The following VEPH1 variants were observed in gnomAD, a reference collection of about 807,000 sequenced individuals.
VEPH1 encodes ventricular zone expressed PH domain containing 1, also known as ventricular zone-expressed PH domain-containing protein homolog 1.
In VEPH1, 80 loss-of-function variants were observed where a neutral mutation model predicts 85.2. The observed-to-expected ratio is 0.94, with a 90% CI of 0.78 to 1.13. The LOEUF is 1.13. Ranked by LOEUF, VEPH1 falls within the 50% of genes most tolerant of loss-of-function variation. VEPH1 has a pLI of 0.00. For synonymous variants in VEPH1, 297 were observed against 348.0 expected, an observed-to-expected ratio of 0.85 and a Z score of 1.63; for missense variants, 955 against 980.5, an observed-to-expected ratio of 0.97 and a Z score of 0.35.
chr3:157,469,535 C>G (rs1344162385), intron 3 of VEPH1, among the ~76,000 whole-genome samples: 1 of 152,126 alleles, frequency 6.6e-6, no homozygotes, highest in Non-Finnish European at 1.5e-5. Context: ...AACCAGCTTT[C>G]TTTATTGCAG....
At chr3:157,478,302 T>G (rs1051423498) in intron 2 of VEPH1, among the ~76,000 whole-genome samples, 2 of 152,106 alleles carry the variant, frequency 1.3e-5, no homozygotes, top group African/African-American at 4.8e-5. Flanking sequence ...CAGTGCAAAT[T>G]TTTCCTCTGC....
chr3:157,476,738 C>T (rs1467277982), intron 2 of VEPH1, among the ~76,000 whole-genome samples: 1 of 152,162 alleles, frequency 6.6e-6, no homozygotes, highest in Non-Finnish European at 1.5e-5. Flanking sequence ...TCAAGGGGAC[C>T]AGCAGATTAA....
chr3:157,319,742 T>C (rs1721166123), intron 9 of VEPH1, among the ~76,000 whole-genome samples: 1 of 152,202 alleles, frequency 6.6e-6, no homozygotes, highest in Admixed American at 6.5e-5. Flanking sequence ...TTACTGCCAA[T>C]TCATGTTTTC....
chr3:157,409,908 G>T (rs1731411295), intron 6 of VEPH1: 6 of 985,388 alleles, frequency 6.1e-6, no homozygotes, highest in Non-Finnish European at 7.2e-6. Context: ...CATGGAGTTT[G>T]CTGGAAACCA....
chr3:157,385,655 T>C (rs57829564), intron 6 of VEPH1, among the ~76,000 whole-genome samples: 2 of 152,328 alleles, frequency 1.3e-5, no homozygotes, highest in East Asian at 3.9e-4. Context: ...TTTGATCTGT[T>C]AAATCTGGCC....
chr3:157,311,375 T>G (rs2108505603), intron 11 of VEPH1, among the ~76,000 whole-genome samples: 1 of 152,348 alleles, frequency 6.6e-6, no homozygotes, highest in Non-Finnish European at 1.5e-5. Flanking sequence ...TTCAAATCAC[T>G]AATGTATGTC....
chr3:157,404,180 G>A (rs1730982802), intron 6 of VEPH1, among the ~76,000 whole-genome samples: 1 of 152,088 alleles, frequency 6.6e-6, no homozygotes, highest in Non-Finnish European at 1.5e-5. Flanking sequence ...CAGTCTCTAT[G>A]GAACAGTTAG....
Position 157,318,241 on chromosome 3 carries a change from TAG to T in VEPH1, c.1736-1042_1736-1041del, listed in dbSNP as rs200002936. On this transcript the variant is annotated intron_variant, in intron 9 of 13. Coordinates refer to ENST00000362010, the MANE Select transcript of VEPH1 (RefSeq NM_001167912.2). ...CTATACTGGGGATTTTTTTAATCTG[TAG>T]AGTCATACTGATAGTTAATGGGGTA... 4.6e-5 allele frequency among the ~76,000 whole-genome samples: 7 copies of T among 152,332 alleles called. No individual in the cohort carries two copies. The East Asian group carries it at 1.3e-3, about 29-fold the overall frequency.
chr3:157,490,926 T>C (rs1739162263), intron 2 of VEPH1, among the ~76,000 whole-genome samples: 1 of 152,162 alleles, frequency 6.6e-6, no homozygotes, highest in African/African-American at 2.4e-5. Context: ...CATAAGGGAA[T>C]ACTCTGCCTC....
intron 1 of VEPH1, chr3:157,499,762 G>C (rs531181155): frequency 6.6e-6 from 1 of 152,454 alleles, no homozygotes; most frequent in African/African-American, 2.4e-5. Flanking sequence ...GGGAAGAATG[G>C]GGGGCGGGGG....
At chr3:157,468,746 G>T (rs972190442) in intron 3 of VEPH1, among the ~76,000 whole-genome samples, 1 of 151,944 alleles carries the variant, frequency 6.6e-6, no homozygotes, top group Admixed American at 6.6e-5. Flanking sequence ...GTGGCTACTA[G>T]AATTTTTTTC....
chr3:157,487,529 C>A (rs981800811), intron 2 of VEPH1, among the ~76,000 whole-genome samples: 1 of 152,150 alleles, frequency 6.6e-6, no homozygotes, highest in South Asian at 2.1e-4. Flanking sequence ...AAAACTCTTG[C>A]AGATAACAAA....
chr3:157,460,674 G>A (rs1272985891), intron 3 of VEPH1, among the ~76,000 whole-genome samples: 1 of 152,190 alleles, frequency 6.6e-6, no homozygotes, highest in South Asian at 2.1e-4. Context: ...AGGGGGTAAT[G>A]TCTTAGTTGG....
At chr3:157,354,612 C>A (rs1725224973) in intron 9 of VEPH1, among the ~76,000 whole-genome samples, 1 of 152,132 alleles carries the variant, frequency 6.6e-6, no homozygotes, top group Admixed American at 6.5e-5. Flanking sequence ...AAATAGTAAT[C>A]CCATTCTTTA....
chr3:157,277,703 T>C (rs1422997652), intron 12 of VEPH1, among the ~76,000 whole-genome samples: 4 of 152,216 alleles, frequency 2.6e-5, no homozygotes, highest in Admixed American at 6.5e-5. Flanking sequence ...TATATACACA[T>C]ATATGTGTAC....
At chr3:157,420,504 C>A (rs1313544570) in intron 5 of VEPH1, among the ~76,000 whole-genome samples, 3 of 152,134 alleles carry the variant, frequency 2.0e-5, no homozygotes, top group Admixed American at 2.0e-4. Context: ...AAATGACTGC[C>A]ATTTTTATTT....
chr3:157,315,787 C>T lies in VEPH1; in HGVS notation c.1875+1275G>A, dbSNP rs991566622. ...AATACTGAGGGGCAAAAAAACCCAT[C>T]AAGATTTCTTGTTTTTTTTTCAGAA... On this transcript the variant is annotated intron_variant, in intron 10 of 13. Coordinates refer to ENST00000362010, the MANE Select transcript of VEPH1 (RefSeq NM_001167912.2). 3.3e-5 allele frequency: 5 copies of T among 151,236 alleles called. No homozygotes were observed. In the East Asian group the frequency reaches 9.7e-4, roughly 29 times the overall value. The allele number at this position is 151,236 out of a possible 1,614,324, so 9.4% of individuals were successfully genotyped here. A position where few individuals can be genotyped will look rare whatever the true frequency, so the allele number is the denominator to read the frequency against.
chr3:157,366,736 AAACAAC>A (rs554197910), intron 7 of VEPH1, among the ~76,000 whole-genome samples: 2,293 of 152,174 alleles, frequency 0.015, 19 homozygotes, highest in Non-Finnish European at 0.023. Context: ...ACTGTCTCAA[AAACAAC>A]AACAACAACA....
chr3:157,471,622 T>C (rs1490813237), intron 2 of VEPH1, among the ~76,000 whole-genome samples: 3 of 152,136 alleles, frequency 2.0e-5, no homozygotes, highest in East Asian at 1.9e-4. Context: ...AAAAGTGAGG[T>C]TGAATGGTTC....
Sources: allele counts gnomAD v4.1 joint callset (sites outside exome capture counted in the v4.1 genomes callset), GRCh38; gene constraint gnomAD v4.1.1; transcripts MANE v1.5; gene names NCBI Gene and HGNC (gene_info 2026-07-23, HGNC 2026-07-21).